MEF2A: variants seen among roughly 807,000 people sequenced by gnomAD.
MEF2A encodes the protein myocyte-specific enhancer factor 2A.
In MEF2A, 28 loss-of-function variants were observed where a neutral mutation model predicts 55.8. The ratio of observed to expected loss-of-function variants is 0.50; its 90% CI spans 0.37 to 0.69. The LOEUF is 0.69. Among genes scored for constraint, MEF2A ranks in the 30% least tolerant of loss-of-function variants. The probability of loss-of-function intolerance (pLI) is 0.00; values close to 1 mark genes in which losing one functional copy is unlikely to be tolerated. For missense variants in MEF2A, 528 were observed against 626.2 expected (o/e 0.84, Z 1.67); for synonymous variants, 239 against 227.1 (o/e 1.05, Z -0.47).
chr15:99,634,381 A>G (rs749002848), intron 3 of MEF2A, among the ~76,000 whole-genome samples: 8 of 152,190 alleles, frequency 5.3e-5, no homozygotes, highest in Non-Finnish European at 5.9e-5. Context: ...TTGGTAAACT[A>G]TCCATGCTAT....
intron 1 of MEF2A, among the ~76,000 whole-genome samples, chr15:99,591,318 T>A (rs954317954): frequency 3.3e-5 from 5 of 152,078 alleles, no homozygotes; most frequent in Admixed American, 6.6e-5. Context: ...CTTACAGAGT[T>A]TTTTTTTGTC....
intron 8 of MEF2A, among the ~76,000 whole-genome samples, chr15:99,700,736 G>A (rs532807126): frequency 5.6e-4 from 85 of 152,242 alleles, no homozygotes; most frequent in African/African-American, 1.9e-3. Flanking sequence ...GGGATGAGCC[G>A]GGGTTGTCAG....
chr15:99,683,465 G>A (rs2053614748), intron 7 of MEF2A, among the ~76,000 whole-genome samples: 3 of 152,160 alleles, frequency 2.0e-5, no homozygotes, highest in African/African-American at 7.2e-5. Flanking sequence ...GGACTACAGT[G>A]GCACGATCTC....
chr15:99,686,873 A>C (rs529210637), intron 7 of MEF2A, among the ~76,000 whole-genome samples: 2 of 151,838 alleles, frequency 1.3e-5, no homozygotes, highest in African/African-American at 4.8e-5. Flanking sequence ...TTGGCTGTTT[A>C]GCGTAATCTC....
At chr15:99,649,589 A>G (rs1481396985) in intron 4 of MEF2A, among the ~76,000 whole-genome samples, 1 of 152,184 alleles carries the variant, frequency 6.6e-6, no homozygotes, top group East Asian at 1.9e-4. Flanking sequence ...AGAAAATGTT[A>G]TAACTCCTTA....
chr15:99,621,820 T>C (rs1243532363), intron 2 of MEF2A, among the ~76,000 whole-genome samples: 1 of 152,230 alleles, frequency 6.6e-6, no homozygotes, highest in Non-Finnish European at 1.5e-5. Flanking sequence ...AGTTGTTGAT[T>C]GTACATAATC....
intron 9 of MEF2A, among the ~76,000 whole-genome samples, chr15:99,705,208 A>C (rs1019971827): frequency 9.2e-5 from 14 of 152,372 alleles, no homozygotes; most frequent in Admixed American, 1.3e-4. Context: ...AGATTCCTTT[A>C]GAAGCCGAGC....
In MEF2A at chr15:99,715,359, T is replaced by A. The variant is rs1238944440; in HGVS notation, c.*2588T>A. 6.6e-6 allele frequency: 1 copy of A among 152,256 alleles called. No individual in the cohort carries two copies. Among genetic ancestry groups the A allele is most frequent in the Admixed American group, 6.5e-5 (1 of 15,288 alleles). The allele number at this position is 152,256 out of a possible 1,614,324, so 9.4% of individuals were successfully genotyped here. Reference sequence around the variant, plus strand: ...ACTGTATCTCAATAGTCTTTCTTTCTATGCAGGTTTATAATCAGTACAACT... The same window carrying A: ...ACTGTATCTCAATAGTCTTTCTTTCAATGCAGGTTTATAATCAGTACAACT... On this transcript the variant is annotated 3_prime_UTR_variant, in exon 12 of 12. Transcript: ENST00000557942.
At chr15:99,659,387 C>G (rs1567350848) in intron 4 of MEF2A, among the ~76,000 whole-genome samples, 1 of 152,076 alleles carries the variant, frequency 6.6e-6, no homozygotes, top group African/African-American at 2.4e-5. Flanking sequence ...GCCTGAACAC[C>G]ACACACTTCT....
chr15:99,629,423 C>A (rs2042573443), intron 2 of MEF2A, among the ~76,000 whole-genome samples: 1 of 152,204 alleles, frequency 6.6e-6, no homozygotes, highest in African/African-American at 2.4e-5. Context: ...GTACCTTTTT[C>A]CCATTGTCTG....
intron 8 of MEF2A, 181 bp downstream of exon 8, chr15:99,690,609 T>G: frequency 1.4e-6 from 1 of 735,118 alleles, no homozygotes; most frequent in South Asian, 1.5e-5. Flanking sequence ...AAAATCAGAT[T>G]ATGGAAATTT....
intron 3 of MEF2A, among the ~76,000 whole-genome samples, chr15:99,638,793 C>G (rs905759912): frequency 6.6e-6 from 1 of 151,898 alleles, no homozygotes; most frequent in Non-Finnish European, 1.5e-5. Context: ...CCCTTTTTCT[C>G]TTTGTTCTCA....
chr15:99,602,654 GTGTGTGTGT>G (rs1188192356), intron 2 of MEF2A, among the ~76,000 whole-genome samples: 9 of 10,874 alleles, frequency 8.3e-4, no homozygotes, highest in African/African-American at 1.8e-3. Flanking sequence ...CATTCCTGGG[GTGTGTGTGT>G]GTGTGTGTGT....
At chr15:99,707,404 G>C (rs1298414731) in intron 10 of MEF2A, among the ~76,000 whole-genome samples, 1 of 152,116 alleles carries the variant, frequency 6.6e-6, no homozygotes, top group African/African-American at 2.4e-5. Flanking sequence ...GGGCTGTTCT[G>C]ATTTCTCCTC....
intron 1 of MEF2A, among the ~76,000 whole-genome samples, chr15:99,589,350 A>T (rs1289519731): frequency 6.6e-6 from 1 of 152,178 alleles, no homozygotes; most frequent in East Asian, 1.9e-4. Context: ...CCCTTAGTAT[A>T]CTTTTAATGT....
chr15:99,627,197 G>T (rs1024345627), intron 2 of MEF2A, among the ~76,000 whole-genome samples: 2 of 151,828 alleles, frequency 1.3e-5, no homozygotes, highest in African/African-American at 4.8e-5. Context: ...GTGGGTTAGG[G>T]CCAGTGAAAA....
At chr15:99,702,003 A>G (rs890872482) in intron 8 of MEF2A, among the ~76,000 whole-genome samples, 2 of 152,214 alleles carry the variant, frequency 1.3e-5, no homozygotes, top group African/African-American at 4.8e-5. Flanking sequence ...GGAAAACTCA[A>G]AATGTGTCGT....
In MEF2A at chr15:99,671,188, G is replaced by A. The variant is rs535750146; in HGVS notation, c.259-135G>A. 9.8e-6 allele frequency: 8 copies of A among 814,872 alleles called. No homozygotes were observed. The South Asian group carries it at 1.9e-4, about 20-fold the overall frequency. The allele number at this position is 814,872 out of a possible 1,614,324, so 50.5% of individuals were successfully genotyped here. A position where few individuals can be genotyped will look rare whatever the true frequency, so the allele number is the denominator to read the frequency against. ...CTTATTTGAAGAAGTAAGTACATTT[G>A]TGATCATTTAGAAACCGTTTCAGTG... is the stretch of plus-strand genomic sequence containing the variant. On this transcript the variant is annotated intron_variant, in intron 4 of 11. Transcript: ENST00000557942.
chr15:99,660,618 C>G (rs1302127170), intron 4 of MEF2A, among the ~76,000 whole-genome samples: 2 of 152,096 alleles, frequency 1.3e-5, no homozygotes, highest in Non-Finnish European at 2.9e-5. Context: ...CCTTCTTGGG[C>G]TTTGTATGAA....
Sources: allele counts gnomAD v4.1 joint callset (sites outside exome capture counted in the v4.1 genomes callset), GRCh38; gene constraint gnomAD v4.1.1; transcripts MANE v1.5; gene names NCBI Gene and HGNC (gene_info 2026-07-23, HGNC 2026-07-21).